Variants in LRRTM3 observed in about 807,000 individuals in gnomAD.
LRRTM3 encodes the protein leucine rich repeat transmembrane neuronal 3, also known as leucine-rich repeat transmembrane neuronal protein 3.
LRRTM3 carries 24 observed loss-of-function variants against 44.7 expected under a neutral mutation model. That is an observed-to-expected ratio of 0.54 (90% confidence interval 0.39 to 0.76). The LOEUF (loss-of-function observed/expected upper bound fraction) is 0.76, where lower values mean the gene tolerates loss of function less well. Ranked by LOEUF, LRRTM3 falls within the 30% of genes least tolerant of loss-of-function variation. The pLI is 0.00. For missense variants in LRRTM3, 587 were observed against 702.2 expected, an observed-to-expected ratio of 0.84 and a Z score of 1.85; for synonymous variants, 277 against 278.7, an observed-to-expected ratio of 0.99 and a Z score of 0.06.
chr10:67,003,204 C>T (rs756588122), intron 2 of LRRTM3, among the ~76,000 whole-genome samples: 7 of 152,142 alleles, frequency 4.6e-5, no homozygotes. Flanking sequence ...TATTCAGGCA[C>T]AGTGCCTATG....
At chr10:66,975,471 T>C (rs1164320320) in intron 2 of LRRTM3, among the ~76,000 whole-genome samples, 1 of 152,160 alleles carries the variant, frequency 6.6e-6, no homozygotes, top group African/African-American at 2.4e-5. Context: ...GTTGGAAAGG[T>C]TTCCCTTTCC....
intron 2 of LRRTM3, among the ~76,000 whole-genome samples, chr10:66,934,747 G>A (rs977447323): frequency 6.6e-6 from 1 of 152,070 alleles, no homozygotes; most frequent in Non-Finnish European, 1.5e-5. Flanking sequence ...CTTCTCAAGG[G>A]TAAAATATAG....
At chr10:66,993,437 G>A (rs1851150236) in intron 2 of LRRTM3, among the ~76,000 whole-genome samples, 1 of 152,090 alleles carries the variant, frequency 6.6e-6, no homozygotes, top group Admixed American at 6.6e-5. Flanking sequence ...TACCTGGGAA[G>A]GAAAATAGTG....
intron 2 of LRRTM3, among the ~76,000 whole-genome samples, chr10:66,975,270 T>A (rs1181627175): frequency 2.0e-5 from 3 of 152,166 alleles, no homozygotes; most frequent in African/African-American, 7.2e-5. Flanking sequence ...GGTATTCACA[T>A]ATAATTAATA....
chr10:66,986,101 A>G (rs1181755942), intron 2 of LRRTM3, among the ~76,000 whole-genome samples: 1 of 152,176 alleles, frequency 6.6e-6, no homozygotes, highest in African/African-American at 2.4e-5. Context: ...CATCTGTTTA[A>G]CTAACTATAA....
intron 2 of LRRTM3, among the ~76,000 whole-genome samples, chr10:67,093,213 ATTAGAT>A (rs1857760648): frequency 6.6e-6 from 1 of 151,976 alleles, no homozygotes; most frequent in Non-Finnish European, 1.5e-5. Context: ...CAAATGCCTT[ATTAGAT>A]TTAAATTTCC....
chr10:67,004,734 T>C (rs111355469), intron 2 of LRRTM3, among the ~76,000 whole-genome samples: 189 of 152,344 alleles, frequency 1.2e-3, no homozygotes, highest in Non-Finnish European at 1.9e-3. Flanking sequence ...TTTTAACTTA[T>C]ATCATGTCAA....
chr10:67,072,289 T>C (rs1458953383), intron 2 of LRRTM3, among the ~76,000 whole-genome samples: 2 of 152,180 alleles, frequency 1.3e-5, no homozygotes, highest in African/African-American at 2.4e-5. Flanking sequence ...ACTTCTCCAA[T>C]CGAATTTTCT....
intron 2 of LRRTM3, among the ~76,000 whole-genome samples, chr10:67,042,153 T>C (rs952680804): frequency 5.3e-5 from 8 of 152,156 alleles, no homozygotes; most frequent in Non-Finnish European, 1.0e-4. Context: ...TTCTAAAATG[T>C]GTTTTATGTA....
At chr10:66,947,428 G>A (rs977913096) in intron 2 of LRRTM3, among the ~76,000 whole-genome samples, 1 of 152,068 alleles carries the variant, frequency 6.6e-6, no homozygotes, top group Non-Finnish European at 1.5e-5. Flanking sequence ...GAGGGTCCAT[G>A]GGGAAAGGGG....
intron 2 of LRRTM3, among the ~76,000 whole-genome samples, chr10:67,069,383 T>C (rs1414265972): frequency 6.6e-6 from 1 of 152,076 alleles, no homozygotes; most frequent in Non-Finnish European, 1.5e-5. Flanking sequence ...TTTCCAAGAA[T>C]AGGAAGCTTA....
intron 2 of LRRTM3, among the ~76,000 whole-genome samples, chr10:66,935,052 TA>T (rs1847620417): frequency 6.6e-6 from 1 of 152,060 alleles, no homozygotes; most frequent in African/African-American, 2.4e-5. Flanking sequence ...CTCATGTAGC[TA>T]AAAAAGTGCT....
At chr10:67,095,806 T>A (rs183187442) in intron 2 of LRRTM3, among the ~76,000 whole-genome samples, 1 of 151,970 alleles carries the variant, frequency 6.6e-6, no homozygotes, top group African/African-American at 2.4e-5. Flanking sequence ...GTGTACCCAG[T>A]AACAGTTCTA....
Position 67,005,691 on chromosome 10 carries a change from T to TTTTTGTTTGTTTGTTTG in LRRTM3, c.1536+77243_1536+77244insGTTTGTTTGTTTGTTTT, listed in dbSNP as rs943918716. Among the ~76,000 whole-genome samples, 2 of 121,484 alleles carry TTTTTGTTTGTTTGTTTG rather than the reference T, an allele frequency of 1.6e-5. 1 individual carries two copies. Among genetic ancestry groups the TTTTTGTTTGTTTGTTTG allele is most frequent in the Non-Finnish European group, 3.5e-5 (2 of 56,576 alleles). The allele number at this position is 121,484 out of a possible 152,430, so 79.7% of individuals were successfully genotyped here. On this transcript the variant is annotated intron_variant, in intron 2 of 2. Transcript: ENST00000361320. Reference sequence around the variant, plus strand: ...GTTTATTTTACTCCATCTTTTTTTTTTTTTTTTTTTTTGAGACGGAGTCTT... The same window carrying TTTTTGTTTGTTTGTTTG: ...GTTTATTTTACTCCATCTTTTTTTTTTTTTGTTTGTTTGTTTGTTTTTTTTTTTTGAGACGGAGTCTT...
intron 2 of LRRTM3, among the ~76,000 whole-genome samples, chr10:67,093,787 GTTTA>G (rs1311619842): frequency 6.6e-6 from 1 of 151,924 alleles, no homozygotes; most frequent in Admixed American, 6.6e-5. Context: ...TTTAGATTTA[GTTTA>G]TTTGAAACAT....
intron 2 of LRRTM3, among the ~76,000 whole-genome samples, chr10:66,964,925 AC>A (rs2132792505): frequency 6.6e-6 from 1 of 152,356 alleles, no homozygotes; most frequent in East Asian, 1.9e-4. Context: ...AACATTTTAC[AC>A]AAAAGTTACA....
At chr10:67,003,168 T>G (rs1298128935) in intron 2 of LRRTM3, among the ~76,000 whole-genome samples, 1 of 152,182 alleles carries the variant, frequency 6.6e-6, no homozygotes, top group Admixed American at 6.5e-5. Context: ...CTTACCAGGA[T>G]GCCTGCTGAA....
At chr10:66,957,632 G>A (rs1313633896) in intron 2 of LRRTM3, among the ~76,000 whole-genome samples, 1 of 151,648 alleles carries the variant, frequency 6.6e-6, no homozygotes, top group Non-Finnish European at 1.5e-5. Flanking sequence ...ACACTCAAAA[G>A]GAGTGACTCA....
At chr10:67,007,177 T>C (rs2133018504) in intron 2 of LRRTM3, among the ~76,000 whole-genome samples, 1 of 152,330 alleles carries the variant, frequency 6.6e-6, no homozygotes, top group South Asian at 2.1e-4. Context: ...CTGTGACTCC[T>C]AAACCAGATT....
Sources: allele counts gnomAD v4.1 joint callset (sites outside exome capture counted in the v4.1 genomes callset), GRCh38; gene constraint gnomAD v4.1.1; transcripts MANE v1.5; gene names NCBI Gene and HGNC (gene_info 2026-07-23, HGNC 2026-07-21).